Variants in SLC25A21 observed in about 807,000 individuals in gnomAD.
SLC25A21 encodes solute carrier family 25 member 21.
In SLC25A21, 47 loss-of-function variants were observed where a neutral mutation model predicts 43.8. The observed-to-expected ratio is 1.07, with a 90% CI of 0.85 to 1.37. The LOEUF is 1.37. Among genes scored for constraint, SLC25A21 ranks in the 40% most tolerant of loss-of-function variants. SLC25A21 has a pLI of 0.00. For synonymous variants in SLC25A21, 131 were observed against 121.3 expected, an observed-to-expected ratio of 1.08 and a Z score of -0.52; for missense variants, 352 against 350.2, an observed-to-expected ratio of 1.00 and a Z score of -0.04.
At position 37,119,632 on chromosome 14, in the gene SLC25A21, C is replaced by T. The variant is rs190219400; in HGVS notation, c.70+52649G>A. Among the ~76,000 whole-genome samples, 338 of 152,262 alleles carry T rather than the reference C, an allele frequency of 2.2e-3. 2 individuals are homozygous for T. The highest frequency in any genetic ancestry group is 3.9e-3 in the Non-Finnish European group (262 of 68,008). On this transcript the variant is annotated intron_variant, in intron 1 of 9. Coordinates refer to ENST00000331299, the MANE Select transcript of SLC25A21 (RefSeq NM_030631.4). ...TGAGCAGCCCACGCCGCTGCTCTGC[C>T]TATGGAGTAGCCACTATTTATTCCT...
Position 36,860,729 on chromosome 14 carries a change from A to C in SLC25A21, c.119+14227T>G, listed in dbSNP as rs558643497. Among the ~76,000 whole-genome samples, 6 of 152,330 alleles carry C rather than the reference A, an allele frequency of 3.9e-5. No individual in the cohort carries two copies. In the South Asian group the frequency reaches 1.2e-3, roughly 32 times the overall value. On this transcript the variant is annotated intron_variant, in intron 2 of 9. Coordinates refer to ENST00000331299, the MANE Select transcript of SLC25A21 (RefSeq NM_030631.4). The stretch of plus-strand genomic sequence containing the variant: ...TTTCAAAATTTAAAAGAACACAAAT[A>C]CAGAGACAAGAAATTCTAAAGTGTA...
intron 1 of SLC25A21, among the ~76,000 whole-genome samples, chr14:37,071,331 A>G (rs766180829): frequency 5.9e-5 from 9 of 152,224 alleles, no homozygotes; most frequent in Admixed American, 1.3e-4. Context: ...TAGAGACTGG[A>G]GCAATACTGG....
At chr14:36,859,040 C>G (rs145910470) in intron 2 of SLC25A21, among the ~76,000 whole-genome samples, 111 of 152,258 alleles carry the variant, frequency 7.3e-4, no homozygotes, top group African/African-American at 2.5e-3. Flanking sequence ...CCTAAAAAAT[C>G]TCTCCCTTTC....
rs549458979 is a variant in SLC25A21 at position 36,779,687 on chromosome 14, T to A, written c.203+34231A>T. On this transcript the variant is annotated intron_variant, in intron 3 of 9. Coordinates refer to ENST00000331299, the MANE Select transcript of SLC25A21 (RefSeq NM_030631.4). ...AAACACACACACATACCACATTTTT[T>A]ATATCCATTCATCCATCAACAGGCA... Among the ~76,000 whole-genome samples, 15 of 148,568 alleles carry A rather than the reference T, an allele frequency of 1.0e-4. No homozygotes were observed. The East Asian group carries it at 2.9e-3, about 29-fold the overall frequency.
At position 36,679,953 on chromosome 14, in the gene SLC25A21, C is replaced by T; in HGVS notation, c.*705G>A. 1 of 826,110 alleles carries T rather than the reference C, an allele frequency of 1.2e-6. No individual in the cohort carries two copies. Among genetic ancestry groups the T allele is most frequent in the Non-Finnish European group, 1.4e-6 (1 of 714,638 alleles). The allele number at this position is 826,110 out of a possible 1,614,324, so 51.2% of individuals were successfully genotyped here. A position where few individuals can be genotyped will look rare whatever the true frequency, so the allele number is the denominator to read the frequency against. On this transcript the variant is annotated 3_prime_UTR_variant, in exon 10 of 10. Transcript: ENST00000331299. ...ATACCTTGATTTAAACATGCTTAAA[C>T]AACAGTGTTTTAACATTCTGTTTTA...
intron 1 of SLC25A21, among the ~76,000 whole-genome samples, chr14:37,034,652 G>T (rs750754587): frequency 6.6e-6 from 1 of 152,100 alleles, no homozygotes; most frequent in Non-Finnish European, 1.5e-5. Context: ...AAACACCCGC[G>T]TGCATCCACC....
At chr14:36,774,767 T>C (rs1886761245) in intron 3 of SLC25A21, among the ~76,000 whole-genome samples, 2 of 152,156 alleles carry the variant, frequency 1.3e-5, no homozygotes, top group South Asian at 4.1e-4. Context: ...GGTCTTGCTA[T>C]GTTGCTCAGG....
At chr14:36,909,617 CT>C (rs1364070005) in intron 1 of SLC25A21, among the ~76,000 whole-genome samples, 3 of 152,096 alleles carry the variant, frequency 2.0e-5, no homozygotes, top group African/African-American at 7.2e-5. Context: ...GGTTTTTCTT[CT>C]CATTCAGGAC....
intron 3 of SLC25A21, among the ~76,000 whole-genome samples, chr14:36,768,732 T>C (rs1169681793): frequency 2.0e-5 from 3 of 151,936 alleles, no homozygotes; most frequent in African/African-American, 7.3e-5. Flanking sequence ...TATTATAAGG[T>C]TGTTTAGAAG....
intron 3 of SLC25A21, among the ~76,000 whole-genome samples, chr14:36,778,849 C>A (rs569297442): frequency 2.0e-5 from 3 of 152,098 alleles, no homozygotes; most frequent in Non-Finnish European, 4.4e-5. Context: ...CACTTAAGAT[C>A]TAATCTCTTA....
At chr14:36,865,038 T>TAAAAAAAGA (rs1184303163) in intron 2 of SLC25A21, among the ~76,000 whole-genome samples, 1 of 152,080 alleles carries the variant, frequency 6.6e-6, no homozygotes, top group Non-Finnish European at 1.5e-5. Context: ...TTTCTTTTTT[T>TAAAAAAAGA]TTTTTAAAAG....
intron 1 of SLC25A21, among the ~76,000 whole-genome samples, chr14:36,962,489 T>C (rs1344206056): frequency 2.0e-5 from 3 of 152,200 alleles, no homozygotes. Flanking sequence ...TTCCTCTCCC[T>C]GCCACCCCAT....
intron 7 of SLC25A21, among the ~76,000 whole-genome samples, chr14:36,694,986 G>T (rs1007222965): frequency 6.6e-6 from 1 of 152,152 alleles, no homozygotes; most frequent in Admixed American, 6.6e-5. Flanking sequence ...CCTTGCCCAT[G>T]CCTGTGTCCT....
chr14:36,739,200 C>T (rs1885156025), intron 3 of SLC25A21, among the ~76,000 whole-genome samples: 1 of 152,122 alleles, frequency 6.6e-6, no homozygotes, highest in Non-Finnish European at 1.5e-5. Flanking sequence ...AATTTTTATT[C>T]AGTTCTGTTT....
intron 1 of SLC25A21, among the ~76,000 whole-genome samples, chr14:37,033,031 A>C (rs1383537158): frequency 4.6e-5 from 7 of 152,234 alleles, no homozygotes; most frequent in Non-Finnish European, 1.0e-4. Flanking sequence ...TGTACAGCTC[A>C]GTAGTGTTAA....
intron 3 of SLC25A21, among the ~76,000 whole-genome samples, chr14:36,782,961 AT>A (rs1887121192): frequency 2.0e-5 from 2 of 100,724 alleles, no homozygotes; most frequent in Admixed American, 1.1e-4. Context: ...ATAAAAAAAT[AT>A]AAATAAATAA....
In SLC25A21 at chr14:36,781,850, T is replaced by A. The variant is rs541583395; in HGVS notation, c.203+32068A>T. Among the ~76,000 whole-genome samples, 26 of 152,348 alleles carry A rather than the reference T, an allele frequency of 1.7e-4. No homozygotes were observed. The South Asian group carries it at 5.2e-3, about 30-fold the overall frequency. On this transcript the variant is annotated intron_variant, in intron 3 of 9. Coordinates refer to ENST00000331299, the MANE Select transcript of SLC25A21 (RefSeq NM_030631.4). Reference sequence around the variant, plus strand: ...TAGCAGGGAGTCTTATACTTTCATATGTTTTCATGTTACTAATTAACATCC... The same window carrying A: ...TAGCAGGGAGTCTTATACTTTCATAAGTTTTCATGTTACTAATTAACATCC...
At chr14:36,920,340 A>C (rs1467308813) in intron 1 of SLC25A21, among the ~76,000 whole-genome samples, 1 of 152,116 alleles carries the variant, frequency 6.6e-6, no homozygotes, top group African/African-American at 2.4e-5. Context: ...GAATGTGGTT[A>C]TATTTTTAAG....
chr14:36,924,529 G>A (rs2138628745), intron 1 of SLC25A21, among the ~76,000 whole-genome samples: 1 of 152,110 alleles, frequency 6.6e-6, no homozygotes, highest in East Asian at 2.0e-4. Context: ...CCTGTTGTGG[G>A]GTGGGGAGAG....
Sources: allele counts gnomAD v4.1 joint callset (sites outside exome capture counted in the v4.1 genomes callset), GRCh38; gene constraint gnomAD v4.1.1; transcripts MANE v1.5; gene names NCBI Gene and HGNC (gene_info 2026-07-23, HGNC 2026-07-21).